The following TC2N variants were observed in gnomAD, a reference collection of about 807,000 sequenced individuals.
The protein encoded by TC2N is tandem C2 domains, nuclear.
TC2N carries 51 observed loss-of-function variants against 61.9 expected under a neutral mutation model. That is an observed-to-expected ratio of 0.82 (90% CI 0.66 to 1.04). TC2N has a LOEUF of 1.04. Ranked by LOEUF, TC2N falls within the 50% of genes least tolerant of loss-of-function variation. The pLI is 0.00. For missense variants in TC2N, 556 were observed against 566.7 expected (o/e 0.98, Z 0.19); for synonymous variants, 204 against 192.6 (o/e 1.06, Z -0.49).
At chr14:91,790,186 G>A (rs1885577447) in intron 9 of TC2N, among the ~76,000 whole-genome samples, 1 of 152,166 alleles carries the variant, frequency 6.6e-6, no homozygotes, top group Admixed American at 6.5e-5. Context: ...ATTTCTTCAG[G>A]AAAACGTATT....
At chr14:91,817,265 A>C (rs1174379621) in intron 1 of TC2N, among the ~76,000 whole-genome samples, 4 of 151,848 alleles carry the variant, frequency 2.6e-5, no homozygotes, top group African/African-American at 7.3e-5. Context: ...GGCTATCATA[A>C]ATGGTATCTT....
intron 3 of TC2N, among the ~76,000 whole-genome samples, chr14:91,808,419 C>T (rs1283849805): frequency 6.6e-6 from 1 of 152,118 alleles, no homozygotes; most frequent in Non-Finnish European, 1.5e-5. Context: ...GAACATATCG[C>T]CATTGTTAAA....
chr14:91,816,843 AT>A (rs1887026359), intron 1 of TC2N, among the ~76,000 whole-genome samples: 1 of 151,828 alleles, frequency 6.6e-6, no homozygotes, highest in African/African-American at 2.4e-5. Context: ...AATTGGGTTT[AT>A]TGTGTATTTT....
chr14:91,855,509 G>A (rs978111223), intron 1 of TC2N, among the ~76,000 whole-genome samples: 1 of 152,164 alleles, frequency 6.6e-6, no homozygotes, highest in African/African-American at 2.4e-5. Context: ...TCTTCTCTGT[G>A]TATCTTTGTG....
intron 1 of TC2N, among the ~76,000 whole-genome samples, chr14:91,864,924 G>A (rs983831162): frequency 6.6e-5 from 10 of 151,920 alleles, no homozygotes. Flanking sequence ...GGGATTATAG[G>A]TGTGTGCCAC....
chr14:91,862,871 A>C (rs1193690411), intron 1 of TC2N, among the ~76,000 whole-genome samples: 1 of 152,226 alleles, frequency 6.6e-6, no homozygotes, highest in Non-Finnish European at 1.5e-5. Context: ...ACACATTCCA[A>C]AGTTCCAACA....
chr14:91,807,433 G>A (rs1463969144), intron 3 of TC2N, among the ~76,000 whole-genome samples: 1 of 152,190 alleles, frequency 6.6e-6, no homozygotes, highest in Non-Finnish European at 1.5e-5. Flanking sequence ...CACAGGGGTG[G>A]AGCTGCCCAA....
intron 8 of TC2N, 109 bp downstream of exon 8, chr14:91,797,676 T>C: frequency 2.8e-6 from 2 of 723,878 alleles, no homozygotes; most frequent in Non-Finnish European, 4.6e-6. Flanking sequence ...TAGTTGTAGT[T>C]TCCCTAAGAT....
intron 3 of TC2N, among the ~76,000 whole-genome samples, chr14:91,803,095 A>C (rs1886338097): frequency 6.6e-6 from 1 of 152,122 alleles, no homozygotes; most frequent in Non-Finnish European, 1.5e-5. Context: ...TTTCATGAAC[A>C]CTTACTTTAT....
At chr14:91,817,648 A>G (rs1380199308) in intron 1 of TC2N, among the ~76,000 whole-genome samples, 1 of 152,032 alleles carries the variant, frequency 6.6e-6, no homozygotes, top group African/African-American at 2.4e-5. Context: ...ATATTCATCA[A>G]ACCACATCTC....
rs1885172527 is a variant in TC2N at position 91,782,449 on chromosome 14, G to C, written c.*651C>G. The C allele has an allele frequency of 6.6e-6, 1 of 151,842 alleles. No individual in the cohort carries two copies. Among genetic ancestry groups the C allele is most frequent in the East Asian group, 1.9e-4 (1 of 5,198 alleles). 9.4% of individuals were successfully genotyped at this position (151,842 alleles called of 1,614,324 possible). A position where few individuals can be genotyped will look rare whatever the true frequency, so the allele number is the denominator to read the frequency against. ...GTTTCCAATTAAACTTCAACCTTCT[G>C]GTGTTTTCAATTATTCCTGCCAAAA... On this transcript the variant is annotated 3_prime_UTR_variant, in exon 12 of 12. Transcript: ENST00000435962.
At chr14:91,801,063 C>A (rs936635583) in intron 4 of TC2N, among the ~76,000 whole-genome samples, 3 of 146,260 alleles carry the variant, frequency 2.1e-5, no homozygotes, top group Admixed American at 2.0e-4. Flanking sequence ...TATACACATA[C>A]ATATATATGT....
chr14:91,828,331 A>C (rs1265584956), intron 1 of TC2N, among the ~76,000 whole-genome samples: 14 of 152,112 alleles, frequency 9.2e-5, no homozygotes, highest in Non-Finnish European at 2.1e-4. Context: ...CCACTTCCAG[A>C]AATTTTGAAA....
rs1886355485 is a variant in TC2N, at chr14:91,803,410, CAT to C, written c.302-991_302-990del. ...ACACACACACACACACACGTACATA[CAT>C]ACACACACACACACACATATATATA... On this transcript the variant is annotated intron_variant, in intron 3 of 11. Transcript: ENST00000435962. Among the ~76,000 whole-genome samples the C allele has an allele frequency of 7.6e-5, 5 of 65,752 alleles. 1 individual carries two copies. The highest frequency in any genetic ancestry group is 1.5e-3 in the South Asian group (2 of 1,314). The allele number at this position is 65,752 out of a possible 152,430, so 43.1% of individuals were successfully genotyped here.
At position 91,812,540 on chromosome 14, in the gene TC2N, C is replaced by T; in HGVS notation, c.73G>A (p.Val25Met). 2 of 1,531,302 alleles carry T rather than the reference C, an allele frequency of 1.3e-6. No individual in the cohort carries two copies. The highest frequency in any genetic ancestry group is 1.8e-6 in the Non-Finnish European group (2 of 1,114,802). 94.9% of individuals were successfully genotyped at this position (1,531,302 alleles called of 1,614,324 possible). ...YGETEKHNFSVERDFKAAVPN... is the reference protein window; with the variant it reads ...YGETEKHNFSMERDFKAAVPN... The stretch of plus-strand genomic sequence containing the variant: ...ACTGCTGCTTTAAAATCTCTTTCCA[C>T]AGAAACTGCATATAAAAGAAAAAAA... Residue 25 changes from valine to methionine, a missense_variant, in exon 3 of 12, where the codon GTG (valine) becomes ATG (methionine). By Grantham distance (21) the Val-to-Met change is conservative. Coordinates refer to ENST00000435962, the MANE Select transcript of TC2N (RefSeq NM_001128596.3).
At chr14:91,809,658 G>A (rs866031557) in intron 3 of TC2N, among the ~76,000 whole-genome samples, 6 of 152,082 alleles carry the variant, frequency 3.9e-5, no homozygotes, top group African/African-American at 1.2e-4. Flanking sequence ...TTGGCAACAC[G>A]CAGGGTATAT....
At chr14:91,847,314 G>A (rs1595274873) in intron 1 of TC2N, among the ~76,000 whole-genome samples, 1 of 151,938 alleles carries the variant, frequency 6.6e-6, no homozygotes, top group East Asian at 1.9e-4. Context: ...ATCGTCCACA[G>A]TTCTTTGAAA....
intron 1 of TC2N, among the ~76,000 whole-genome samples, chr14:91,820,845 C>T (rs764446535): frequency 1.3e-5 from 2 of 151,884 alleles, no homozygotes; most frequent in Non-Finnish European, 2.9e-5. Context: ...GAAAACAATT[C>T]CATTCATAAT....
intron 1 of TC2N, among the ~76,000 whole-genome samples, chr14:91,831,061 T>C (rs1195461280): frequency 1.3e-5 from 2 of 152,200 alleles, no homozygotes; most frequent in Non-Finnish European, 2.9e-5. Context: ...GTTTAGCAAA[T>C]GCTCTCAAGG....
Sources: allele counts gnomAD v4.1 joint callset (sites outside exome capture counted in the v4.1 genomes callset), GRCh38; gene constraint gnomAD v4.1.1; transcripts MANE v1.5; gene names NCBI Gene and HGNC (gene_info 2026-07-23, HGNC 2026-07-21).